The following DMRT3 variants were observed in gnomAD, a reference collection of about 807,000 sequenced individuals.
DMRT3 encodes doublesex- and mab-3-related transcription factor 3.
DMRT3 carries 29 observed loss-of-function variants against 34.9 expected under a neutral mutation model. That is an observed-to-expected ratio of 0.83 (90% CI 0.62 to 1.13). The LOEUF (loss-of-function observed/expected upper bound fraction) is 1.13, where lower values mean the gene tolerates loss of function less well. Among genes scored for constraint, DMRT3 ranks in the 50% most tolerant of loss-of-function variants. DMRT3 has a pLI of 0.00. For synonymous variants in DMRT3, 350 were observed against 286.0 expected, an observed-to-expected ratio of 1.22 and a Z score of -2.26; for missense variants, 772 against 629.1, an observed-to-expected ratio of 1.23 and a Z score of -2.43.
At position 990,849 on chromosome 9, in the gene DMRT3, C is replaced by T. The variant is rs779665771; in HGVS notation, c.1263C>T (p.Ser421=). Residue 421 remains serine, a synonymous_variant, in exon 2 of 2, where the codon AGC becomes AGT. Transcript: ENST00000190165. ...GTAACTCTACCAGCGTCTTCAGAAG[C>T]TCGCCCGTCCTTCCTGCCCGCGCCA... is the stretch of plus-strand genomic sequence containing the variant. ...FPSNSTSVFR[S]SPVLPARATE... The T allele has an allele frequency of 1.2e-6, 2 of 1,614,050 alleles. No homozygotes were observed. The highest frequency in any genetic ancestry group is 2.7e-5 in the African/African-American group (2 of 74,922).
At chr9:977,767 C>T (rs1235857846) in intron 1 of DMRT3, among the ~76,000 whole-genome samples, 1 of 152,210 alleles carries the variant, frequency 6.6e-6, no homozygotes, top group East Asian at 1.9e-4. Flanking sequence ...AGCAGGGAGA[C>T]AACGGAGTTG....
intron 1 of DMRT3, among the ~76,000 whole-genome samples, chr9:979,609 T>A (rs1255673543): frequency 1.3e-5 from 2 of 151,870 alleles, no homozygotes; most frequent in Admixed American, 6.6e-5. Context: ...CCCATTTTTT[T>A]AAAAAAAAGC....
At chr9:979,531 C>T (rs983763886) in intron 1 of DMRT3, among the ~76,000 whole-genome samples, 9 of 152,174 alleles carry the variant, frequency 5.9e-5, no homozygotes, top group African/African-American at 2.2e-4. Context: ...ACCCCCACCC[C>T]CCCATACCTT....
Position 990,234 on chromosome 9 carries a change from C to G in DMRT3, c.648C>G (p.Ser216Arg), listed in dbSNP as rs538464950. The G allele has an allele frequency of 6.2e-6, 10 of 1,614,034 alleles. No homozygotes were observed. The highest frequency in any genetic ancestry group is 2.2e-5 in the East Asian group (1 of 44,864). Reference protein sequence around the residue: ...AVQKNGGNPESRPDSPKCHAE... With the variant: ...AVQKNGGNPERRPDSPKCHAE... The stretch of plus-strand genomic sequence containing the variant: ...AGAAAAACGGAGGCAACCCCGAGAG[C>G]CGCCCTGACAGCCCCAAGTGTCACG... Residue 216 changes from serine (S) to arginine (R), a missense_variant, in exon 2 of 2, where the codon AGC (serine) becomes AGG (arginine). Coordinates refer to ENST00000190165, the MANE Select transcript of DMRT3 (RefSeq NM_021240.4).
intron 1 of DMRT3, among the ~76,000 whole-genome samples, chr9:986,888 C>T: frequency 2.6e-5 from 1 of 39,164 alleles, no homozygotes; most frequent in African/African-American, 1.7e-4. Context: ...GAGACTCTGT[C>T]TCAAAAAAAA....
Position 981,240 on chromosome 9 carries a change from T to G in DMRT3, c.454+3785T>G, listed in dbSNP as rs553963086. Reference sequence around the variant, plus strand: ...CTGGGCTTTTCTGCTCCGGCTTGACTGGGTCCCGCAAAGTCCACTTCCTTT... The same window carrying G: ...CTGGGCTTTTCTGCTCCGGCTTGACGGGGTCCCGCAAAGTCCACTTCCTTT... On this transcript the variant is annotated intron_variant, in intron 1 of 1. Coordinates refer to ENST00000190165, the MANE Select transcript of DMRT3 (RefSeq NM_021240.4). 2.6e-3 allele frequency among the ~76,000 whole-genome samples: 396 copies of G among 152,168 alleles called. 3 individuals are homozygous for G. Among genetic ancestry groups the G allele is most frequent in the African/African-American group, 9.2e-3 (384 of 41,518 alleles).
Position 976,981 on chromosome 9 carries a change from A to C in DMRT3, c.-21A>C. On this transcript the variant is annotated 5_prime_UTR_variant, in exon 1 of 2. Transcript: ENST00000190165. This position sits in a 1 kb window ranked among gnomAD's most constrained non-coding sequence, Gnocchi z 4.5. The stretch of plus-strand genomic sequence containing the variant: ...GCCCTCTCCCGCAGCCAGGCTGCCA[A>C]CTCATTCGGGAGCCCGGGGCATGAA... 6.8e-7 allele frequency: 1 copy of C among 1,462,946 alleles called. No individual in the cohort carries two copies. Among genetic ancestry groups the C allele is most frequent in the Non-Finnish European group, 9.0e-7 (1 of 1,105,016 alleles). 90.6% of individuals were successfully genotyped at this position (1,462,946 alleles called of 1,614,324 possible). A position where few individuals can be genotyped will look rare whatever the true frequency, so the allele number is the denominator to read the frequency against.
rs1356640224 is a variant in DMRT3 at position 990,273 on chromosome 9, C to T, written c.687C>T (p.His229=). Residue 229 remains histidine, a synonymous_variant, in exon 2 of 2, where the codon CAC becomes CAT. Coordinates refer to ENST00000190165, the MANE Select transcript of DMRT3 (RefSeq NM_021240.4). Reference sequence around the variant, plus strand: ...CCAAGTGTCACGCGGAGCAGAATCACCTCCTGATTGAGGGCCCCTCGGGGA... The same window carrying T: ...CCAAGTGTCACGCGGAGCAGAATCATCTCCTGATTGAGGGCCCCTCGGGGA... ...DSPKCHAEQN[H]LLIEGPSGTV... is the part of the protein sequence containing the mutation. The T allele has an allele frequency of 6.2e-6, 10 of 1,613,910 alleles. No homozygotes were observed. Among genetic ancestry groups the T allele is most frequent in the South Asian group, 2.2e-5 (2 of 91,044 alleles).
intron 1 of DMRT3, among the ~76,000 whole-genome samples, chr9:979,080 C>A (rs279887): frequency 0.5 from 76,005 of 151,946 alleles, 20,000 homozygotes; most frequent in Middle Eastern, 0.67. Context: ...GGGCAGAGGC[C>A]TGAGTTAACA....
rs977354575 is a variant in DMRT3, at chr9:976,855, C to G, written c.-147C>G. 3.7e-6 allele frequency: 3 copies of G among 819,466 alleles called. No homozygotes were observed. Among genetic ancestry groups the G allele is most frequent in the Non-Finnish European group, 5.1e-6 (3 of 592,302 alleles). 50.8% of individuals were successfully genotyped at this position (819,466 alleles called of 1,614,324 possible). On this transcript the variant is annotated 5_prime_UTR_variant, in exon 1 of 2. Coordinates refer to ENST00000190165, the MANE Select transcript of DMRT3 (RefSeq NM_021240.4). The surrounding 1 kb of genome is among the most constrained non-coding windows in gnomAD (Gnocchi z 4.5). ...AGACGACTGCGGCACCTCCGGCCGC[C>G]CCGGAGCACACACGACCACCGGGGC...
chr9:982,270 G>A (rs181067005), intron 1 of DMRT3, among the ~76,000 whole-genome samples: 85 of 152,320 alleles, frequency 5.6e-4, no homozygotes, highest in Non-Finnish European at 5.1e-4. Flanking sequence ...TCAGGGAGGT[G>A]CTGGGGTCCA....
intron 1 of DMRT3, among the ~76,000 whole-genome samples, chr9:986,032 G>A (rs1211397028): frequency 6.6e-6 from 1 of 152,226 alleles, no homozygotes; most frequent in Non-Finnish European, 1.5e-5. Flanking sequence ...GAGACCTGCG[G>A]AGAGAGCATG....
At position 977,007 on chromosome 9, in the gene DMRT3, C is replaced by A; in HGVS notation, c.6C>A (p.Asn2Lys). M[N>K]GYGSPYLYMG... The stretch of plus-strand genomic sequence containing the variant: ...CTCATTCGGGAGCCCGGGGCATGAA[C>A]GGCTACGGCTCCCCCTACCTGTACA... Residue 2 changes from asparagine to lysine, a missense_variant, in exon 1 of 2, where the codon AAC becomes AAA. Physicochemically the swap from Asn to Lys is moderately conservative, Grantham distance 94 (BLOSUM62 0). Transcript: ENST00000190165. 2.7e-6 allele frequency: 4 copies of A among 1,502,358 alleles called. No individual in the cohort carries two copies. In the South Asian group the frequency reaches 5.1e-5, roughly 19 times the overall value. 93.1% of individuals were successfully genotyped at this position (1,502,358 alleles called of 1,614,324 possible).
At position 990,363 on chromosome 9, in the gene DMRT3, C is replaced by T. The variant is rs1370914720; in HGVS notation, c.777C>T (p.Phe259=). The T allele has an allele frequency of 9.9e-6, 16 of 1,613,812 alleles. No individual in the cohort carries two copies. The highest frequency in any genetic ancestry group is 1.7e-5 in the Admixed American group (1 of 59,986). Reference sequence around the variant, plus strand: ...CGCTTGAAGTGTTAAAAAAGATATTCCCCAACCAGAAGCCAACGGTGCTTG... The same window carrying T: ...CGCTTGAAGTGTTAAAAAAGATATTTCCCAACCAGAAGCCAACGGTGCTTG... ...RPPLEVLKKI[F]PNQKPTVLEL... The change falls in exon 2 of 2, where the codon TTC becomes TTT. Residue 259 remains phenylalanine, a synonymous_variant. Transcript: ENST00000190165.
rs187633552 is a variant in DMRT3, at chr9:982,706, G to T, written c.454+5251G>T. Among the ~76,000 whole-genome samples the T allele has an allele frequency of 1.2e-3, 179 of 152,318 alleles. 1 individual carries two copies. The highest frequency in any genetic ancestry group is 4.2e-3 in the African/African-American group (173 of 41,580). On this transcript the variant is annotated intron_variant, in intron 1 of 1. Coordinates refer to ENST00000190165, the MANE Select transcript of DMRT3 (RefSeq NM_021240.4). ...ATCTTCATAAATCAAAGTCCCTGGA[G>T]GACTCGGAGCCCTTTTCTGGAAATG...
rs1354185798 is a variant in DMRT3, at chr9:990,911, G to A, written c.1325G>A (p.Cys442Tyr). The A allele has an allele frequency of 1.2e-6, 2 of 1,614,020 alleles. No individual in the cohort carries two copies. The highest frequency in any genetic ancestry group is 1.7e-6 in the Non-Finnish European group (2 of 1,180,038). Residue 442 changes from cysteine to tyrosine, a missense_variant, in exon 2 of 2, where the codon TGT becomes TAT. Cys to Tyr is a radical substitution (Grantham distance 194). Coordinates refer to ENST00000190165, the MANE Select transcript of DMRT3 (RefSeq NM_021240.4). The stretch of plus-strand genomic sequence containing the variant: ...CGGATTTCCATCCCTGATGATGGGT[G>A]TCCATTTGTGTCAAAGCAGTCCATT... ...DPRISIPDDGCPFVSKQSIYT... is the reference protein window; with the variant it reads ...DPRISIPDDGYPFVSKQSIYT...
At position 977,293 on chromosome 9, in the gene DMRT3, C is replaced by CCGCCGCCGGGGGA; in HGVS notation, c.298_310dup (p.Val104AlafsTer56). On this transcript the variant is annotated frameshift_variant, in exon 1 of 2. Coordinates refer to ENST00000190165, the MANE Select transcript of DMRT3 (RefSeq NM_021240.4). LOFTEE classifies it high-confidence loss of function. ...CTCGCTGCGCGCTCTGCCAGGGCCC[C>CCGCCGCCGGGGGA]CGCCGCCGGGGGACGCCGTCGCCGC... is the stretch of plus-strand genomic sequence containing the variant. The CCGCCGCCGGGGGA allele has an allele frequency of 7.1e-7, 1 of 1,411,328 alleles. No homozygotes were observed. The highest frequency in any genetic ancestry group is 9.3e-7 in the Non-Finnish European group (1 of 1,077,080). The allele number at this position is 1,411,328 out of a possible 1,614,324, so 87.4% of individuals were successfully genotyped here. A position where few individuals can be genotyped will look rare whatever the true frequency, so the allele number is the denominator to read the frequency against.
intron 1 of DMRT3, among the ~76,000 whole-genome samples, chr9:989,162 C>T (rs1303102131): frequency 6.6e-6 from 1 of 152,210 alleles, no homozygotes; most frequent in Admixed American, 6.5e-5. Flanking sequence ...AAAAAGGTAT[C>T]TTCAAGTCCT....
intron 1 of DMRT3, among the ~76,000 whole-genome samples, chr9:984,965 G>T (rs780711624): frequency 2.0e-5 from 3 of 151,372 alleles, no homozygotes; most frequent in Non-Finnish European, 4.4e-5. Context: ...AAGTCTTGTA[G>T]CAAAAAAAGA....
Sources: gnomAD v4.1 joint callset for allele counts (sites outside exome capture counted in the v4.1 genomes callset) on GRCh38, gnomAD v4.1.1 for gene constraint, Gnocchi (gnomAD v3.1) non-coding constraint, MANE v1.5 for transcripts, NCBI Gene and HGNC (gene_info 2026-07-23, HGNC 2026-07-21) for gene names.